Variants in ADAMTS20 observed in about 807,000 individuals in gnomAD.
ADAMTS20 encodes the protein A disintegrin and metalloproteinase with thrombospondin motifs 20.
Under a neutral mutation model 260.1 loss-of-function variants are expected in ADAMTS20, and 225 were observed. The observed-to-expected ratio is 0.87, with a 90% CI of 0.78 to 0.97. ADAMTS20 has a LOEUF of 0.97. ADAMTS20 is among the 50% of genes least tolerant of loss of function. The pLI, the probability that ADAMTS20 is intolerant of heterozygous loss-of-function variation, is 0.00. For missense variants in ADAMTS20, 2,400 were observed against 2,337.7 expected, an observed-to-expected ratio of 1.03 and a Z score of -0.55; for synonymous variants, 802 against 769.5, an observed-to-expected ratio of 1.04 and a Z score of -0.70.
At chr12:43,507,959 T>C (rs778207717) in intron 3 of ADAMTS20, among the ~76,000 whole-genome samples, 2 of 150,990 alleles carry the variant, frequency 1.3e-5, no homozygotes, top group Non-Finnish European at 3.0e-5. Flanking sequence ...TCACAAAGAG[T>C]GGAACAACAG....
At position 43,376,312 on chromosome 12, in the gene ADAMTS20, C is replaced by T. The variant is rs1181595644; in HGVS notation, c.5144G>A (p.Cys1715Tyr). Reference sequence around the variant, plus strand: ...GTGGTTTTTCACTTGAATTTCTTTGCAGGTGGTAAATGATTTACCTTCAAA... The same window carrying T: ...GTGGTTTTTCACTTGAATTTCTTTGTAGGTGGTAAATGATTTACCTTCAAA... ...YANDCKSFTTCKEIQVKNHIR... is the reference protein window; with the variant it reads ...YANDCKSFTTYKEIQVKNHIR... Residue 1715 changes from cysteine to tyrosine, a missense_variant, in exon 34 of 39, where the codon TGC (cysteine) becomes TAC (tyrosine). Coordinates refer to ENST00000389420, the MANE Select transcript of ADAMTS20 (RefSeq NM_025003.5). 1.3e-6 allele frequency: 2 copies of T among 1,552,694 alleles called. No homozygotes were observed. The highest frequency in any genetic ancestry group is 2.0e-5 in the Admixed American group (1 of 50,864).
chr12:43,404,046 A>C (rs1194678442), intron 28 of ADAMTS20, among the ~76,000 whole-genome samples: 1 of 151,954 alleles, frequency 6.6e-6, no homozygotes, highest in Non-Finnish European at 1.5e-5. Flanking sequence ...TCCAATTTAG[A>C]CCAGATTAGG....
At chr12:43,419,236 T>C (rs1941185676) in intron 28 of ADAMTS20, among the ~76,000 whole-genome samples, 1 of 152,116 alleles carries the variant, frequency 6.6e-6, no homozygotes, top group South Asian at 2.1e-4. Context: ...ATAATACATA[T>C]ATATGGGCAC....
At position 43,432,697 on chromosome 12, in the gene ADAMTS20, A is replaced by G. The variant is rs1941471989; in HGVS notation, c.2835T>C (p.Asp945=). ...TAAGCTGGTCACCACAGTAGTGGTC[A>G]TCAACTTGAACAGTCTGTCCTTCAT... is the stretch of plus-strand genomic sequence containing the variant. ...SIHEGQTVQV[D]DHYCGDQLKP... Residue 945 remains aspartate (D), a synonymous_variant, in exon 20 of 39, where the codon GAT becomes GAC. Transcript: ENST00000389420. 3 of 1,614,010 alleles carry G rather than the reference A, an allele frequency of 1.9e-6. No individual in the cohort carries two copies. Among genetic ancestry groups the G allele is most frequent in the Non-Finnish European group, 2.5e-6 (3 of 1,179,864 alleles).
chr12:43,513,567 A>G (rs570233753), intron 3 of ADAMTS20, among the ~76,000 whole-genome samples: 34 of 152,278 alleles, frequency 2.2e-4, no homozygotes, highest in African/African-American at 7.9e-4. Context: ...CTGGGTATAT[A>G]CCCAAAGGAT....
At chr12:43,360,165 C>T (rs944002317) in intron 37 of ADAMTS20, among the ~76,000 whole-genome samples, 5 of 152,142 alleles carry the variant, frequency 3.3e-5, no homozygotes, top group Admixed American at 2.0e-4. Context: ...ACACATATCA[C>T]CGGCCGGGCA....
chr12:43,357,588 G>A (rs1022981724), intron 37 of ADAMTS20, among the ~76,000 whole-genome samples: 6 of 151,906 alleles, frequency 3.9e-5, no homozygotes, highest in African/African-American at 7.3e-5. Flanking sequence ...TCAAATATTC[G>A]CATAAAACAA....
At chr12:43,442,830 C>T (rs1941692929) in intron 16 of ADAMTS20, among the ~76,000 whole-genome samples, 1 of 152,080 alleles carries the variant, frequency 6.6e-6, no homozygotes, top group South Asian at 2.1e-4. Flanking sequence ...ATAAAATTAA[C>T]CATCATTAAA....
intron 29 of ADAMTS20, among the ~76,000 whole-genome samples, chr12:43,393,597 A>C (rs1592045457): frequency 2.0e-5 from 3 of 152,046 alleles, no homozygotes; most frequent in Non-Finnish European, 2.9e-5. Flanking sequence ...CTATTTAATA[A>C]ATAATTATTT....
At chr12:43,468,527 G>A (rs1942195035) in intron 8 of ADAMTS20, 73 bp downstream of exon 8, 1 of 944,060 alleles carries the variant, frequency 1.1e-6, no homozygotes, top group African/African-American at 1.7e-5. Flanking sequence ...TTACTCAACT[G>A]AAGATAGAAT....
At chr12:43,465,390 T>C (rs1047648859) in intron 9 of ADAMTS20, among the ~76,000 whole-genome samples, 1 of 152,058 alleles carries the variant, frequency 6.6e-6, no homozygotes, top group Non-Finnish European at 1.5e-5. Context: ...GTAATATCTT[T>C]TAACATGCTA....
At chr12:43,421,285 A>C (rs1167171430) in intron 28 of ADAMTS20, among the ~76,000 whole-genome samples, 90 of 150,822 alleles carry the variant, frequency 6.0e-4, no homozygotes, top group Non-Finnish European at 9.9e-4. Flanking sequence ...TCATTTACAA[A>C]AAAAAAAAAA....
chr12:43,498,186 TTAAG>T (rs1942703893), intron 4 of ADAMTS20, among the ~76,000 whole-genome samples: 1 of 152,152 alleles, frequency 6.6e-6, no homozygotes, highest in Admixed American at 6.5e-5. Flanking sequence ...CCAGAAACCT[TTAAG>T]TAAGAAGGGT....
intron 28 of ADAMTS20, among the ~76,000 whole-genome samples, chr12:43,415,490 G>A (rs570847741): frequency 3.9e-5 from 6 of 152,210 alleles, no homozygotes; most frequent in Admixed American, 1.3e-4. Context: ...CTAACTCGAG[G>A]AAAAATAATA....
Position 43,432,721 on chromosome 12 carries a change from A to G in ADAMTS20, c.2811T>C (p.His937=), listed in dbSNP as rs373937231. 1.2e-6 allele frequency: 2 copies of G among 1,614,002 alleles called. No homozygotes were observed. The highest frequency in any genetic ancestry group is 1.1e-5 in the South Asian group (1 of 91,084). ...CATCAACTTGAACAGTCTGTCCTTC[A>G]TGAATGGAATACTTCATGCAATGGA... ...LDIHCMKYSI[H]EGQTVQVDDH... Residue 937 remains histidine (H), a synonymous_variant, in exon 20 of 39, where the codon CAT becomes CAC. Transcript: ENST00000389420.
chr12:43,502,707 C>T (rs1161451315), intron 3 of ADAMTS20, among the ~76,000 whole-genome samples: 1 of 151,982 alleles, frequency 6.6e-6, no homozygotes, highest in East Asian at 1.9e-4. Flanking sequence ...TATTAACTAC[C>T]AAGTAGAAAA....
At chr12:43,481,512 G>A (rs1434875444) in intron 7 of ADAMTS20, among the ~76,000 whole-genome samples, 3 of 152,070 alleles carry the variant, frequency 2.0e-5, no homozygotes, top group African/African-American at 7.2e-5. Context: ...GAGTTATAAG[G>A]ATTAAAGAAG....
chr12:43,375,637 C>T (rs1181993355), intron 35 of ADAMTS20, 125 bp from the exon 36 acceptor site: 2 of 1,101,650 alleles, frequency 1.8e-6, no homozygotes, highest in South Asian at 1.5e-5. Flanking sequence ...ACAAGTTAAA[C>T]AAGAAAGAAG....
intron 29 of ADAMTS20, among the ~76,000 whole-genome samples, chr12:43,394,416 T>A (rs189188646): frequency 5.3e-5 from 8 of 152,230 alleles, no homozygotes; most frequent in Non-Finnish European, 1.2e-4. Flanking sequence ...ACTTTGAACA[T>A]CATCCTTCTG....
Sources: gnomAD v4.1 joint callset for allele counts (sites outside exome capture counted in the v4.1 genomes callset) on GRCh38, gnomAD v4.1.1 for gene constraint, MANE v1.5 for transcripts, NCBI Gene and HGNC (gene_info 2026-07-23, HGNC 2026-07-21) for gene names.